ATG2B: variants seen among roughly 807,000 people sequenced by gnomAD.
ATG2B encodes the protein autophagy-related protein 2 homolog B.
A neutral mutation model predicts 241.3 loss-of-function variants in ATG2B; 121 were observed. That is an observed-to-expected ratio of 0.50 (90% CI 0.43 to 0.58). ATG2B has a LOEUF of 0.58. Ranked by LOEUF, ATG2B falls within the 20% of genes least tolerant of loss-of-function variation. The pLI, the probability that ATG2B is intolerant of heterozygous loss-of-function variation, is 0.00. For missense variants in ATG2B, 2,306 were observed against 2,491.6 expected (o/e 0.93, Z 1.59); for synonymous variants, 858 against 876.6 (o/e 0.98, Z 0.37).
rs1886931938 is a variant in ATG2B, at chr14:96,305,827, A to T, written c.4507-12T>A. ...TCTTCTTCCTTCTCCTAAAATAAAC[A>T]AACAGGTAACACATACTCTCTTTTC... On this transcript the variant is annotated splice_polypyrimidine_tract_variant and intron_variant, in intron 30 of 41. Coordinates refer to ENST00000359933, the MANE Select transcript of ATG2B (RefSeq NM_018036.7). 1.9e-6 allele frequency: 3 copies of T among 1,601,566 alleles called. No homozygotes were observed. Among genetic ancestry groups the T allele is most frequent in the Non-Finnish European group, 2.6e-6 (3 of 1,168,928 alleles).
Position 96,288,095 on chromosome 14 carries a change from T to C in ATG2B, c.6006+1561A>G, listed in dbSNP as rs1229855464. ...CCATCTCAATCCACACTTACTAATC[T>C]CACCCTCCCTTCCCTCATTCTTCCT... On this transcript the variant is annotated intron_variant, in intron 41 of 41. Transcript: ENST00000359933. Among the ~76,000 whole-genome samples, 7 of 151,890 alleles carry C rather than the reference T, an allele frequency of 4.6e-5. No homozygotes were observed. The East Asian group carries it at 1.4e-3, about 29-fold the overall frequency.
chr14:96,360,319 T>C (rs1888589618), intron 1 of ATG2B, among the ~76,000 whole-genome samples: 3 of 152,216 alleles, frequency 2.0e-5, no homozygotes, highest in South Asian at 2.1e-4. Flanking sequence ...AAAATAAAGA[T>C]AGCACTTTAA....
Position 96,362,916 on chromosome 14 carries a change from A to AC in ATG2B, c.60dup (p.Tyr21ValfsTer38). The AC allele has an allele frequency of 6.2e-7, 1 of 1,613,634 alleles. No individual in the cohort carries two copies. Among genetic ancestry groups the AC allele is most frequent in the Non-Finnish European group, 8.5e-7 (1 of 1,179,954 alleles). ...TTCTCCTGCAGAAAGTGGCCCAGGT[A>AC]CCTCTGCAGGAGGTACCGGCAGGCC... On this transcript the variant is annotated frameshift_variant, in exon 1 of 42. Coordinates refer to ENST00000359933, the MANE Select transcript of ATG2B (RefSeq NM_018036.7). LOFTEE classifies it high-confidence loss of function.
At chr14:96,305,106 C>T (rs1267067213) in intron 31 of ATG2B, among the ~76,000 whole-genome samples, 4 of 152,166 alleles carry the variant, frequency 2.6e-5, no homozygotes, top group African/African-American at 9.7e-5. Context: ...AGGAAGTCTG[C>T]CCCCTACAGG....
In ATG2B at chr14:96,347,297, G is replaced by A. The variant is rs1888194525; in HGVS notation, c.207C>T (p.Val69=). The change falls in exon 2 of 42, where the codon GTC becomes GTT. Residue 69 remains valine (V), a synonymous_variant. Coordinates refer to ENST00000359933, the MANE Select transcript of ATG2B (RefSeq NM_018036.7). ...ILESADAPLE[V]TEGFIQSISL... ...AAATTGACTGAATGAATCCTTCAGT[G>A]ACTTCTAAGGGTGCATCTGCTGACT... is the stretch of plus-strand genomic sequence containing the variant. 6.2e-7 allele frequency: 1 copy of A among 1,610,122 alleles called. No individual in the cohort carries two copies. Among genetic ancestry groups the A allele is most frequent in the Admixed American group, 1.7e-5 (1 of 59,964 alleles).
chr14:96,344,725 A>C lies in ATG2B; in HGVS notation c.510T>G (p.Asp170Glu), dbSNP rs1888127383. The C allele has an allele frequency of 6.2e-7, 1 of 1,602,150 alleles. No homozygotes were observed. The highest frequency in any genetic ancestry group is 8.5e-7 in the Non-Finnish European group (1 of 1,173,722). Residue 170 changes from aspartate (D) to glutamate (E), a missense_variant, in exon 4 of 42, where the codon GAT becomes GAG. Physicochemically the swap from Asp to Glu is conservative, Grantham distance 45. Around this residue, in one of 2 missense-constraint regions of ATG2B, gnomAD observed 1,927 missense variants for 2,011.2 expected, o/e 0.96. Coordinates refer to ENST00000359933, the MANE Select transcript of ATG2B (RefSeq NM_018036.7). ...GCACATGTTCAATTCTCAAAACAGT[A>C]TCTATAAAAGTGACTTTTACTCTTC... is the stretch of plus-strand genomic sequence containing the variant. The part of the protein sequence containing the change: ...VLRRVKVTFI[D>E]TVLRIEHVPE...
At chr14:96,330,893 A>C (rs1403698726) in intron 11 of ATG2B, among the ~76,000 whole-genome samples, 1 of 152,260 alleles carries the variant, frequency 6.6e-6, no homozygotes, top group Non-Finnish European at 1.5e-5. Flanking sequence ...TTTCTTAAGC[A>C]GAAGTTGAAA....
intron 25 of ATG2B, 60 bp downstream of exon 25, chr14:96,313,005 A>G (rs564539489): frequency 1.6e-5 from 17 of 1,049,572 alleles, no homozygotes; most frequent in African/African-American, 8.1e-5. Flanking sequence ...GTTTAGGTAA[A>G]TATCAATTGG....
chr14:96,362,044 G>A (rs1431403039), intron 1 of ATG2B, among the ~76,000 whole-genome samples: 5 of 152,090 alleles, frequency 3.3e-5, no homozygotes, highest in Non-Finnish European at 4.4e-5. Flanking sequence ...CATGTGGTGA[G>A]TCGAAATTCA....
chr14:96,344,865 A>G, intron 3 of ATG2B, 109 bp from the exon 4 acceptor site: 3 of 521,062 alleles, frequency 5.8e-6, no homozygotes. Flanking sequence ...TTTACAAAAT[A>G]AAGAAGCTGA....
At chr14:96,308,197 TAC>T (rs1255131166) in intron 29 of ATG2B, among the ~76,000 whole-genome samples, 1 of 133,164 alleles carries the variant, frequency 7.5e-6, no homozygotes, top group Non-Finnish European at 1.6e-5. Flanking sequence ...AATATATATA[TAC>T]ATATATATAT....
intron 6 of ATG2B, among the ~76,000 whole-genome samples, chr14:96,337,824 T>C (rs1307379707): frequency 6.6e-6 from 1 of 152,098 alleles, no homozygotes; most frequent in East Asian, 1.9e-4. Context: ...AATGACGGTA[T>C]TTTGATGGGA....
intron 4 of ATG2B, 25 bp from the exon 5 acceptor site, chr14:96,343,306 A>T: frequency 6.5e-7 from 1 of 1,540,496 alleles, no homozygotes; most frequent in Non-Finnish European, 8.8e-7. Flanking sequence ...AAAAGCATTT[A>T]CAAAAAGCTC....
Position 96,309,561 on chromosome 14 carries a change from G to T in ATG2B, c.4195C>A (p.Pro1399Thr). 1 of 1,613,866 alleles carries T rather than the reference G, an allele frequency of 6.2e-7. No individual in the cohort carries two copies. The highest frequency in any genetic ancestry group is 8.5e-7 in the Non-Finnish European group (1 of 1,179,914). ...DSSGRSSSRGPVLPEADQQML... is the reference protein window; with the variant it reads ...DSSGRSSSRGTVLPEADQQML... ...TGTTGATCTGCTTCAGGAAGTACTG[G>T]ACCACGTGAGGATGATCGACCACTG... Residue 1399 changes from proline (P) to threonine (T), a missense_variant, in exon 29 of 42, where the codon CCA becomes ACA. By Grantham distance (38) the Pro-to-Thr change is conservative. Around this residue, in one of 2 missense-constraint regions of ATG2B, gnomAD observed 1,927 missense variants for 2,011.2 expected, o/e 0.96. Transcript: ENST00000359933.
intron 6 of ATG2B, among the ~76,000 whole-genome samples, chr14:96,338,975 G>A (rs1193479694): frequency 1.3e-5 from 2 of 152,058 alleles, no homozygotes; most frequent in Non-Finnish European, 2.9e-5. Flanking sequence ...CAAGGGACAT[G>A]ATTATATATT....
intron 16 of ATG2B, among the ~76,000 whole-genome samples, chr14:96,323,652 T>C (rs1049438215): frequency 2.0e-5 from 3 of 152,170 alleles, no homozygotes; most frequent in African/African-American, 7.2e-5. Context: ...CCTAAGAATC[T>C]AATCGGTCTA....
Position 96,316,630 on chromosome 14 carries a change from G to T in ATG2B, c.3264C>A (p.Phe1088Leu). 6.2e-7 allele frequency: 1 copy of T among 1,612,904 alleles called. No individual in the cohort carries two copies. The highest frequency in any genetic ancestry group is 1.1e-5 in the South Asian group (1 of 90,770). The change falls in exon 21 of 42, where the codon TTC becomes TTA. Residue 1088 changes from phenylalanine (F) to leucine (L), a missense_variant. Transcript: ENST00000359933. The part of the protein sequence containing the change: ...ENKHGEFWLE[F>L]NSGSLFCVTK... ...TCACACAAAATAATGAACCACTATT[G>T]AACTCTAACCAGAATTCACCATGCT... is the stretch of plus-strand genomic sequence containing the variant.
chr14:96,308,268 ATATATATATATATAT>A (rs1566719896), intron 29 of ATG2B, among the ~76,000 whole-genome samples: 362 of 15,332 alleles, frequency 0.024, 20 homozygotes, highest in Middle Eastern at 0.038. Context: ...ATATATATAT[ATATATATATATATAT>A]TTTTTTTTTT....
chr14:96,315,204 C>A lies in ATG2B; in HGVS notation c.3592G>T (p.Ala1198Ser). Reference protein sequence around the residue: ...EFLIAVGLKGATLQHRMLPSG... With the variant: ...EFLIAVGLKGSTLQHRMLPSG... The stretch of plus-strand genomic sequence containing the variant: ...GGAAGCATTCTATGCTGGAGAGTGG[C>A]TCCTTTCAGTCCTACGGCAATGAGA... Residue 1198 changes from alanine (A) to serine (S), a missense_variant, in exon 23 of 42, where the codon GCC (alanine) becomes TCC (serine). By Grantham distance (99) the Ala-to-Ser change is moderately conservative (BLOSUM62 1). Around this residue, in one of 2 missense-constraint regions of ATG2B, gnomAD observed 1,927 missense variants for 2,011.2 expected, o/e 0.96. Coordinates refer to ENST00000359933, the MANE Select transcript of ATG2B (RefSeq NM_018036.7). 17 of 1,614,176 alleles carry A rather than the reference C, an allele frequency of 1.1e-5. No homozygotes were observed. Among genetic ancestry groups the A allele is most frequent in the Non-Finnish European group, 1.4e-5 (17 of 1,180,008 alleles).
Sources: allele counts gnomAD v4.1 joint callset (sites outside exome capture counted in the v4.1 genomes callset), GRCh38; gene constraint gnomAD v4.1.1; regional missense constraint gnomAD v4.1.1; transcripts MANE v1.5; gene names NCBI Gene and HGNC (gene_info 2026-07-23, HGNC 2026-07-21).